The following TRIM63 variants were observed in gnomAD, a reference collection of about 807,000 sequenced individuals.
The protein encoded by TRIM63 is E3 ubiquitin-protein ligase TRIM63.
TRIM63 carries 48 observed loss-of-function variants against 46.0 expected under a neutral mutation model. The observed-to-expected ratio is 1.04, with a 90% CI of 0.83 to 1.33. The LOEUF is 1.33. TRIM63 is among the 40% of genes most tolerant of loss of function. The probability of loss-of-function intolerance (pLI) is 0.00; values close to 1 mark genes in which losing one functional copy is unlikely to be tolerated. For synonymous variants in TRIM63, 175 were observed against 162.8 expected, an observed-to-expected ratio of 1.08 and a Z score of -0.57; for missense variants, 455 against 441.2, an observed-to-expected ratio of 1.03 and a Z score of -0.28.
At position 26,057,094 on chromosome 1, in the gene TRIM63, T is replaced by G; in HGVS notation, c.979+109A>C. 8 of 1,391,306 alleles carry G rather than the reference T, an allele frequency of 5.7e-6. No homozygotes were observed. In the South Asian group the frequency reaches 9.4e-5, roughly 16 times the overall value. 86.2% of individuals were successfully genotyped at this position (1,391,306 alleles called of 1,614,324 possible). The stretch of plus-strand genomic sequence containing the variant: ...TGGCTATATGAGTTTGATTGATATT[T>G]GGGGATCTTTATTAGTGTATCTGCC... On this transcript the variant is annotated intron_variant, in intron 7 of 8. Coordinates refer to ENST00000374272, the MANE Select transcript of TRIM63 (RefSeq NM_032588.4).
At chr1:26,060,011 A>G (rs2050607889) in intron 4 of TRIM63, among the ~76,000 whole-genome samples, 1 of 152,160 alleles carries the variant, frequency 6.6e-6, no homozygotes. Context: ...ACACTCCCTG[A>G]GCTCAGGGAC....
intron 7 of TRIM63, among the ~76,000 whole-genome samples, chr1:26,054,586 C>G (rs955988743): frequency 2.0e-5 from 3 of 152,152 alleles, no homozygotes; most frequent in Non-Finnish European, 4.4e-5. Flanking sequence ...TAACAGGGAA[C>G]ATCTCCCTTC....
chr1:26,066,026 T>G (rs1196686405), intron 2 of TRIM63, among the ~76,000 whole-genome samples: 1 of 152,306 alleles, frequency 6.6e-6, no homozygotes, highest in Non-Finnish European at 1.5e-5. Context: ...TTTCCCCCAG[T>G]CTCTGTCTTG....
chr1:26,067,304 G>A lies in TRIM63; in HGVS notation c.159+32C>T, dbSNP rs749475848. 5 of 1,610,436 alleles carry A rather than the reference G, an allele frequency of 3.1e-6. No homozygotes were observed. The African/African-American group carries it at 4.0e-5, about 13-fold the overall frequency. ...ACAGGGAAGCCAAGTAGCCACCTGG[G>A]GACCCCAAATGAAGCTGCACCCGGC... On this transcript the variant is annotated intron_variant, in intron 1 of 8. Transcript: ENST00000374272.
chr1:26,056,965 G>A (rs564858962), intron 7 of TRIM63, among the ~76,000 whole-genome samples: 22 of 152,224 alleles, frequency 1.4e-4, no homozygotes, highest in East Asian at 7.7e-4. Flanking sequence ...GTTTCACCAC[G>A]TTGGTCAGGC....
At position 26,061,047 on chromosome 1, in the gene TRIM63, A is replaced by G; in HGVS notation, c.501+119T>C. On this transcript the variant is annotated intron_variant, in intron 3 of 8. Coordinates refer to ENST00000374272, the MANE Select transcript of TRIM63 (RefSeq NM_032588.4). Reference sequence around the variant, plus strand: ...TCCCTGTGGCCTGGGAAGTCCCTCCAGAGAGACTATTCCTGAAAGGCCAGA... The same window carrying G: ...TCCCTGTGGCCTGGGAAGTCCCTCCGGAGAGACTATTCCTGAAAGGCCAGA... 9 of 1,160,408 alleles carry G rather than the reference A, an allele frequency of 7.8e-6. No individual in the cohort carries two copies. The South Asian group carries it at 1.4e-4, about 18-fold the overall frequency. The allele number at this position is 1,160,408 out of a possible 1,614,324, so 71.9% of individuals were successfully genotyped here.
At chr1:26,064,778 G>A (rs1165034974) in intron 2 of TRIM63, among the ~76,000 whole-genome samples, 1 of 152,224 alleles carries the variant, frequency 6.6e-6, no homozygotes. Context: ...GCATGGTACA[G>A]TACATTAGTC....
At chr1:26,057,548 A>AT in intron 6 of TRIM63, 80 bp downstream of exon 6, 1 of 1,519,322 alleles carries the variant, frequency 6.6e-7, no homozygotes, top group Non-Finnish European at 8.9e-7. Flanking sequence ...AGCAGGCCTA[A>AT]TGCCCAGGAT....
chr1:26,065,854 G>A (rs114121352), intron 2 of TRIM63, among the ~76,000 whole-genome samples: 1,764 of 152,340 alleles, frequency 0.012, 17 homozygotes, highest in Non-Finnish European at 0.017. Context: ...GAGGTACTTA[G>A]ATGAAGCATT....
chr1:26,051,720 C>G lies in TRIM63; in HGVS notation c.*153G>C, dbSNP rs72664101. ...CAGCGGTGAGGGTCCTACCCTAGTC[C>G]CTGCTCTCTGAGCAGAGAGAAGACA... is the stretch of plus-strand genomic sequence containing the variant. On this transcript the variant is annotated 3_prime_UTR_variant, in exon 9 of 9. Transcript: ENST00000374272. 1,814 of 491,952 alleles carry G rather than the reference C, an allele frequency of 3.7e-3. 5 individuals carry two copies. Among genetic ancestry groups the G allele is most frequent in the Non-Finnish European group, 5.5e-3 (1,652 of 298,422 alleles). 30.5% of individuals were successfully genotyped at this position (491,952 alleles called of 1,614,324 possible). A position where few individuals can be genotyped will look rare whatever the true frequency, so the allele number is the denominator to read the frequency against.
At chr1:26,057,779 C>T (rs561268000) in intron 5 of TRIM63, 129 bp from the exon 6 acceptor site, 7 of 929,608 alleles carry the variant, frequency 7.5e-6, no homozygotes, top group Non-Finnish European at 1.1e-5. Flanking sequence ...GTGACCTGCT[C>T]CCCACCCCAA....
intron 4 of TRIM63, 131 bp from the exon 5 acceptor site, chr1:26,058,754 A>T: frequency 1.4e-6 from 1 of 707,260 alleles, no homozygotes; most frequent in Non-Finnish European, 2.4e-6. Flanking sequence ...CACACTACAG[A>T]AGAAGAAACA....
At chr1:26,052,943 T>C (rs962040422) in intron 8 of TRIM63, among the ~76,000 whole-genome samples, 1 of 152,194 alleles carries the variant, frequency 6.6e-6, no homozygotes, top group African/African-American at 2.4e-5. Context: ...ATGTTAGCAA[T>C]TAATTTTTTC....
At chr1:26,058,936 CA>C (rs2050598009) in intron 4 of TRIM63, among the ~76,000 whole-genome samples, 1 of 152,080 alleles carries the variant, frequency 6.6e-6, no homozygotes, top group African/African-American at 2.4e-5. Flanking sequence ...CCCTGTCCCC[CA>C]ACCTCAGCTG....
intron 8 of TRIM63, among the ~76,000 whole-genome samples, chr1:26,053,225 C>T (rs562299893): frequency 6.6e-6 from 1 of 152,232 alleles, no homozygotes; most frequent in East Asian, 1.9e-4. Context: ...ATTATAGGCA[C>T]GTACCACCAC....
At chr1:26,061,067 G>C in intron 3 of TRIM63, 99 bp downstream of exon 3, 2 of 1,327,370 alleles carry the variant, frequency 1.5e-6, no homozygotes, top group African/African-American at 1.5e-5. Flanking sequence ...TTCCTGAAAG[G>C]CCAGATCAGC....
Position 26,053,900 on chromosome 1 carries a change from C to T in TRIM63, c.1044G>A (p.Lys348=), listed in dbSNP as rs1569726535. ...GGTAGATGAATTTCTTACCTTCTTC[C>T]TTCCCTTCTGTGGACTCTTCCTCTT... ...DQEEEESTEG[K]EEGHQ Residue 348 remains lysine, a synonymous_variant, in exon 8 of 9, where the codon AAG becomes AAA. Transcript: ENST00000374272. 1 of 1,593,250 alleles carries T rather than the reference C, an allele frequency of 6.3e-7. No individual in the cohort carries two copies. Among genetic ancestry groups the T allele is most frequent in the South Asian group, 1.1e-5 (1 of 87,938 alleles).
At chr1:26,065,358 A>C (rs61775415) in intron 2 of TRIM63, among the ~76,000 whole-genome samples, 20,309 of 141,566 alleles carry the variant, frequency 0.14, 1,563 homozygotes, top group Middle Eastern at 0.28. Context: ...GCATGGTCTC[A>C]CTGTCACCCA....
At chr1:26,052,624 G>C (rs905080583) in intron 8 of TRIM63, among the ~76,000 whole-genome samples, 1 of 151,896 alleles carries the variant, frequency 6.6e-6, no homozygotes, top group African/African-American at 2.4e-5. Context: ...CCGTCACCAC[G>C]CCTGGCTAAT....
Sources: allele counts gnomAD v4.1 joint callset (sites outside exome capture counted in the v4.1 genomes callset), GRCh38; gene constraint gnomAD v4.1.1; transcripts MANE v1.5; gene names NCBI Gene and HGNC (gene_info 2026-07-23, HGNC 2026-07-21).